Variants in RAB37 observed in about 807,000 individuals in gnomAD.
RAB37 encodes the protein ras-related protein Rab-37.
A neutral mutation model predicts 33.1 loss-of-function variants in RAB37; 29 were observed. The ratio of observed to expected loss-of-function variants is 0.88; its 90% CI spans 0.65 to 1.20. The LOEUF (loss-of-function observed/expected upper bound fraction) is 1.20, where lower values mean the gene tolerates loss of function less well. Among genes scored for constraint, RAB37 ranks in the 50% most tolerant of loss-of-function variants. The probability of loss-of-function intolerance (pLI) is 0.00; values close to 1 mark genes in which losing one functional copy is unlikely to be tolerated. For synonymous variants in RAB37, 128 were observed against 119.5 expected (o/e 1.07, Z -0.47); for missense variants, 299 against 301.1 (o/e 0.99, Z 0.05).
At position 74,742,099 on chromosome 17, in the gene RAB37, G is replaced by A. The variant is rs574059064; in HGVS notation, c.205-155G>A. Among the ~76,000 whole-genome samples the A allele has an allele frequency of 3.8e-4, 58 of 152,316 alleles. No homozygotes were observed. The highest frequency in any genetic ancestry group is 7.5e-4 in the Non-Finnish European group (51 of 68,026). ...CCACAGTGGAGGTGTCTGGGTATGG[G>A]GTTCCTGCTGCCCTGATGGTATGAT... On this transcript the variant is annotated intron_variant, in intron 2 of 8. Transcript: ENST00000392613. The surrounding 1 kb of genome is among the most constrained non-coding windows in gnomAD (Gnocchi z 4.0).
intron 1 of RAB37, among the ~76,000 whole-genome samples, chr17:74,702,418 A>AT (rs1447042430): frequency 1.3e-5 from 2 of 152,226 alleles, no homozygotes; most frequent in African/African-American, 4.8e-5. Flanking sequence ...GTATCTGCCC[A>AT]TTCTTCCACA....
intron 1 of RAB37, chr17:74,712,757 T>A (rs1004016149): frequency 4.5e-6 from 7 of 1,567,734 alleles, no homozygotes; most frequent in African/African-American, 2.7e-5. Context: ...GGTCCCTTCT[T>A]CCCTCTCTCA....
chr17:74,729,385 T>C lies in RAB37; in HGVS notation c.183+19T>C, dbSNP rs898838358. 1.3e-6 allele frequency: 2 copies of C among 1,573,442 alleles called. No homozygotes were observed. ...ATTCACGGTAAGCACTGGCCGGCACTGCCAGCTCTGGGCCTGGGCTCAGGA... is the reference window on the plus strand; with the variant it reads ...ATTCACGGTAAGCACTGGCCGGCACCGCCAGCTCTGGGCCTGGGCTCAGGA... On this transcript the variant is annotated intron_variant, in intron 2 of 7. Coordinates refer to the RAB37 transcript ENST00000340415. The surrounding 1 kb of genome is among the most constrained non-coding windows in gnomAD (Gnocchi z 4.2).
rs143690968 is a variant in RAB37 at position 74,743,165 on chromosome 17, G to A, written c.283G>A (p.Val95Ile). 163 of 1,613,638 alleles carry A rather than the reference G, an allele frequency of 1.0e-4. 1 individual carries two copies. The African/African-American group carries it at 1.6e-3, about 16-fold the overall frequency. Reference protein sequence around the residue: ...DTAGQERFRSVTHAYYRDAQA... With the variant: ...DTAGQERFRSITHAYYRDAQA... ...CGCTGGGCAGGAACGGTTCCGAAGC[G>A]TCACCCATGCTTATTACAGAGATGC... The change falls in exon 4 of 9, where the codon GTC becomes ATC. Residue 95 changes from valine (V) to isoleucine (I), a missense_variant. Coordinates refer to ENST00000392613, the MANE Select transcript of RAB37 (RefSeq NM_001006638.3).
chr17:74,695,754 C>T, intron 1 of RAB37: 1 of 1,614,176 alleles, frequency 6.2e-7, no homozygotes, highest in South Asian at 1.1e-5. Context: ...TCCACCTGGT[C>T]AACCTGGGCA....
At chr17:74,736,992 G>C (rs984742536), upstream of RAB37, 1 of 1,589,150 alleles carries the variant, frequency 6.3e-7, no homozygotes, top group African/African-American at 1.3e-5. Flanking sequence ...GACCACAGGG[G>C]ACCGGTCCCG....
In RAB37 at chr17:74,742,415, CGGG is replaced by C; in HGVS notation, c.246+121_246+123del. The C allele has an allele frequency of 2.7e-6, 2 of 737,286 alleles. No individual in the cohort carries two copies. Among genetic ancestry groups the C allele is most frequent in the Non-Finnish European group, 4.5e-6 (2 of 444,636 alleles). 45.7% of individuals were successfully genotyped at this position (737,286 alleles called of 1,614,324 possible). A position where few individuals can be genotyped will look rare whatever the true frequency, so the allele number is the denominator to read the frequency against. ...CTGGGGCAATTTCCTGTGGGGCCCA[CGGG>C]AGGAAATGGCTTTTGTTTATTTGAC... On this transcript the variant is annotated intron_variant, in intron 3 of 8. Transcript: ENST00000392613. The surrounding 1 kb of genome is among the most constrained non-coding windows in gnomAD (Gnocchi z 4.0).
At chr17:74,697,847 C>T (rs1196133015) in intron 1 of RAB37, among the ~76,000 whole-genome samples, 1 of 151,592 alleles carries the variant, frequency 6.6e-6, no homozygotes, top group Non-Finnish European at 1.5e-5. Context: ...ACTTGGAGGG[C>T]TGTGTGTGTG....
At chr17:74,735,040 A>AGAAAGAAG (rs2034452028), upstream of RAB37, among the ~76,000 whole-genome samples, 3 of 149,484 alleles carry the variant, frequency 2.0e-5, no homozygotes, top group African/African-American at 7.4e-5. Flanking sequence ...AAAGAAAGAA[A>AGAAAGAAG]GAAAGAAAGA....
At chr17:74,710,489 T>TTACATTA (rs2033866928) in intron 1 of RAB37, among the ~76,000 whole-genome samples, 1 of 152,160 alleles carries the variant, frequency 6.6e-6, no homozygotes, top group Non-Finnish European at 1.5e-5. Flanking sequence ...AGAAAAGTGC[T>TTACATTA]CATTTACATT....
rs765230161 is a variant in RAB37, at chr17:74,745,124, C to T, written c.566+40C>T. 2.0e-5 allele frequency: 32 copies of T among 1,606,644 alleles called. 1 individual carries two copies. Among genetic ancestry groups the T allele is most frequent in the African/African-American group, 8.0e-5 (6 of 74,816 alleles). On this transcript the variant is annotated intron_variant, in intron 8 of 8. Coordinates refer to ENST00000392613, the MANE Select transcript of RAB37 (RefSeq NM_001006638.3). The surrounding 1 kb of genome is among the most constrained non-coding windows in gnomAD (Gnocchi z 4.5). ...GGGAAGGGAAGTGTGCGGGGCAGGG[C>T]GGCACACTCCAGGAATCCAGTAGGG... is the stretch of plus-strand genomic sequence containing the variant.
At chr17:74,735,059 AAG>A (rs759724347), upstream of RAB37, among the ~76,000 whole-genome samples, 13 of 135,624 alleles carry the variant, frequency 9.6e-5, no homozygotes, top group East Asian at 2.1e-4. Context: ...GAAAGAAAGA[AAG>A]AGAAAGAAAG....
At chr17:74,712,200 C>T (rs141148701) in intron 1 of RAB37, among the ~76,000 whole-genome samples, 452 of 152,224 alleles carry the variant, frequency 3.0e-3, no homozygotes, top group Non-Finnish European at 5.1e-3. Context: ...CTTTCCCTGG[C>T]CTCCCTTCAT....
In RAB37 at chr17:74,680,620, C is replaced by G. The variant is rs187883062; in HGVS notation, c.72+8962C>G. Among the ~76,000 whole-genome samples the G allele has an allele frequency of 1.9e-4, 29 of 152,278 alleles. 1 individual carries two copies. The highest frequency in any genetic ancestry group is 7.0e-4 in the African/African-American group (29 of 41,546). On this transcript the variant is annotated intron_variant, in intron 1 of 7. Coordinates refer to the RAB37 transcript ENST00000340415. ...CCCTTCTACCCTTAGGTCCTCTCCC[C>G]TACCCCTTGCCCCACCTCTGCCTCC... is the stretch of plus-strand genomic sequence containing the variant.
At chr17:74,715,231 G>T (rs1176190905) in intron 1 of RAB37, among the ~76,000 whole-genome samples, 1 of 152,206 alleles carries the variant, frequency 6.6e-6, no homozygotes, top group Non-Finnish European at 1.5e-5. Flanking sequence ...ATCTTGACAA[G>T]GGAGTGAGTC....
rs1031640840 is a variant in RAB37, at chr17:74,744,774, C to T, written c.433-99C>T. On this transcript the variant is annotated intron_variant, in intron 6 of 8. Coordinates refer to ENST00000392613, the MANE Select transcript of RAB37 (RefSeq NM_001006638.3). This position sits in a 1 kb window ranked among gnomAD's most constrained non-coding sequence, Gnocchi z 4.2. ...TCACACCTGCCTGCAGTCCCTTGGGCCACCAGCAGAGGGCAGGCAACGCCT... is the reference window on the plus strand; with the variant it reads ...TCACACCTGCCTGCAGTCCCTTGGGTCACCAGCAGAGGGCAGGCAACGCCT... 7.8e-6 allele frequency: 11 copies of T among 1,417,336 alleles called. No homozygotes were observed. The African/African-American group carries it at 1.1e-4, about 14-fold the overall frequency. The allele number at this position is 1,417,336 out of a possible 1,614,324, so 87.8% of individuals were successfully genotyped here. A position where few individuals can be genotyped will look rare whatever the true frequency, so the allele number is the denominator to read the frequency against.
chr17:74,717,753 G>A (rs2034184504), intron 1 of RAB37, among the ~76,000 whole-genome samples: 1 of 150,204 alleles, frequency 6.7e-6, no homozygotes, highest in Non-Finnish European at 1.5e-5. Flanking sequence ...AGGTTGTGGT[G>A]AGCCAAGATC....
chr17:74,733,621 G>A (rs898666178), upstream of RAB37, among the ~76,000 whole-genome samples: 2 of 142,772 alleles, frequency 1.4e-5, no homozygotes, highest in African/African-American at 5.5e-5. Flanking sequence ...ACACGTGTGA[G>A]TGTCTGTGGT....
rs1047368749 is a variant in RAB37 at position 74,676,770 on chromosome 17, A to C, written c.72+5112A>C. ...ATTCCAGAAGTGTCCTAAGAAAGAT[A>C]CGGGTAGCTGCAAGGGAGTGACCCA... On this transcript the variant is annotated intron_variant, in intron 1 of 7. Transcript: ENST00000340415. The surrounding 1 kb of genome is among the most constrained non-coding windows in gnomAD (Gnocchi z 4.1). Among the ~76,000 whole-genome samples, 14 of 152,208 alleles carry C rather than the reference A, an allele frequency of 9.2e-5. No homozygotes were observed. Among genetic ancestry groups the C allele is most frequent in the Non-Finnish European group, 1.6e-4 (11 of 68,036 alleles).
Sources: gnomAD v4.1 joint callset for allele counts (sites outside exome capture counted in the v4.1 genomes callset) on GRCh38, gnomAD v4.1.1 for gene constraint, Gnocchi (gnomAD v3.1) non-coding constraint, MANE v1.5 for transcripts, NCBI Gene and HGNC (gene_info 2026-07-23, HGNC 2026-07-21) for gene names.